Variants in FAM216A observed in about 807,000 individuals in gnomAD.
The protein encoded by FAM216A is family with sequence similarity 216 member A, also known as protein FAM216A.
A neutral mutation model predicts 37.6 loss-of-function variants in FAM216A; 26 were observed. The observed-to-expected ratio is 0.69, with a 90% CI of 0.51 to 0.96. The LOEUF is 0.96. Ranked by LOEUF, FAM216A falls within the 40% of genes least tolerant of loss-of-function variation. FAM216A has a pLI of 0.00. For missense variants in FAM216A, 326 were observed against 339.3 expected, an observed-to-expected ratio of 0.96 and a Z score of 0.31; for synonymous variants, 110 against 121.7, an observed-to-expected ratio of 0.90 and a Z score of 0.64.
At chr12:110,471,223 G>A (rs2062685495) in intron 1 of FAM216A, among the ~76,000 whole-genome samples, 1 of 151,984 alleles carries the variant, frequency 6.6e-6, no homozygotes, top group Non-Finnish European at 1.5e-5. Flanking sequence ...TGAGTAGCTG[G>A]GACTACAGGC....
At chr12:110,480,905 T>TA (rs1251694754) in intron 2 of FAM216A, among the ~76,000 whole-genome samples, 1 of 149,916 alleles carries the variant, frequency 6.7e-6, no homozygotes, top group Non-Finnish European at 1.5e-5. Context: ...AAAAACAAAA[T>TA]AAAAAACCAC....
At chr12:110,475,488 C>T (rs1010510589) in intron 2 of FAM216A, among the ~76,000 whole-genome samples, 5 of 152,116 alleles carry the variant, frequency 3.3e-5, no homozygotes, top group African/African-American at 7.2e-5. Flanking sequence ...GTTATCCTCC[C>T]GCCTTGGCCT....
At chr12:110,478,974 G>A (rs2062730858) in intron 2 of FAM216A, among the ~76,000 whole-genome samples, 1 of 151,940 alleles carries the variant, frequency 6.6e-6, no homozygotes, top group Non-Finnish European at 1.5e-5. Context: ...GGATCACGAG[G>A]TTAAGAGATC....
chr12:110,484,923 AT>A (rs2062768414), intron 2 of FAM216A, among the ~76,000 whole-genome samples, 154 bp from the exon 3 acceptor site: 1 of 152,040 alleles, frequency 6.6e-6, no homozygotes, highest in South Asian at 2.1e-4. Context: ...GATGGTCTCG[AT>A]CTCCTGACCT....
chr12:110,485,491 C>G (rs1157637968), intron 3 of FAM216A, among the ~76,000 whole-genome samples: 2 of 152,050 alleles, frequency 1.3e-5, no homozygotes, highest in Non-Finnish European at 1.5e-5. Context: ...AAAGTTCCAT[C>G]TTTTCTTGAA....
chr12:110,486,221 T>C, intron 3 of FAM216A, 104 bp from the exon 4 acceptor site: 1 of 1,248,062 alleles, frequency 8.0e-7, no homozygotes, highest in Middle Eastern at 2.2e-4. Context: ...TAAAGTAAAA[T>C]ACAGTTGGCA....
At chr12:110,489,891 A>G in intron 6 of FAM216A, 128 bp from the exon 7 acceptor site, 1 of 590,634 alleles carries the variant, frequency 1.7e-6, no homozygotes, top group Non-Finnish European at 3.0e-6. Context: ...TGAGGTGACT[A>G]AGAGCCTTGA....
chr12:110,478,927 G>C (rs979537518), intron 2 of FAM216A, among the ~76,000 whole-genome samples: 2 of 152,074 alleles, frequency 1.3e-5, no homozygotes, highest in Admixed American at 6.6e-5. Flanking sequence ...GGTGGCTCAC[G>C]TCTGTAATCC....
chr12:110,484,579 G>C (rs996583382), intron 2 of FAM216A, among the ~76,000 whole-genome samples: 1 of 151,020 alleles, frequency 6.6e-6, no homozygotes, highest in African/African-American at 2.4e-5. Context: ...TTGCATCTTA[G>C]CTGAGTTCAA....
chr12:110,483,330 C>CAAAAAAAAAAAAAAAA (rs916383892), intron 2 of FAM216A, among the ~76,000 whole-genome samples: 1 of 120,914 alleles, frequency 8.3e-6, no homozygotes, highest in African/African-American at 3.5e-5. Flanking sequence ...GACTCCTTCT[C>CAAAAAAAAAAAAAAAA]AAAAAAAAAA....
intron 2 of FAM216A, among the ~76,000 whole-genome samples, chr12:110,483,218 G>C (rs183499685): frequency 2.0e-5 from 3 of 151,766 alleles, no homozygotes; most frequent in African/African-American, 7.3e-5. Context: ...CAGCTACTCA[G>C]GAGGCTGAGG....
chr12:110,474,024 G>C (rs2062701796), intron 2 of FAM216A, among the ~76,000 whole-genome samples: 1 of 152,010 alleles, frequency 6.6e-6, no homozygotes, highest in Non-Finnish European at 1.5e-5. Flanking sequence ...ACATAAACCT[G>C]GGTTCACTTT....
chr12:110,490,059 A>G lies in FAM216A; in HGVS notation c.744A>G (p.Lys248=). 6.4e-7 allele frequency: 1 copy of G among 1,551,588 alleles called. No homozygotes were observed. The highest frequency in any genetic ancestry group is 8.9e-7 in the Non-Finnish European group (1 of 1,123,556). ...CTGAATCACACATGAGTGAAGAAAAAAAGGAAGAAGATTTACTAAATAATT... is the reference window on the plus strand; with the variant it reads ...CTGAATCACACATGAGTGAAGAAAAGAAGGAAGAAGATTTACTAAATAATT... ...DDSESHMSEE[K]KEEDLLNNFM... is the part of the protein sequence containing the mutation. The change falls in exon 7 of 7, where the codon AAA becomes AAG. Residue 248 remains lysine (K), a synonymous_variant. Coordinates refer to ENST00000377673, the MANE Select transcript of FAM216A (RefSeq NM_013300.3).
intron 1 of FAM216A, among the ~76,000 whole-genome samples, chr12:110,470,475 ATT>A (rs560103990): frequency 0.086 from 11,723 of 135,838 alleles, 477 homozygotes; most frequent in Middle Eastern, 0.13. Flanking sequence ...AGATACGTGA[ATT>A]TTTTTTTTTT....
At chr12:110,482,358 A>G (rs1283311136) in intron 2 of FAM216A, among the ~76,000 whole-genome samples, 1 of 151,444 alleles carries the variant, frequency 6.6e-6, no homozygotes, top group African/African-American at 2.4e-5. Flanking sequence ...GATTACAGGC[A>G]TGGGCCACCA....
At chr12:110,489,926 T>C (rs574769532) in intron 6 of FAM216A, 93 bp from the exon 7 acceptor site, 55 of 653,526 alleles carry the variant, frequency 8.4e-5, no homozygotes, top group African/African-American at 8.4e-4. Context: ...TTGTCTTTAC[T>C]ACAGGCTTAT....
intron 6 of FAM216A, among the ~76,000 whole-genome samples, chr12:110,488,294 C>T (rs2135557471): frequency 6.6e-6 from 1 of 151,586 alleles, no homozygotes; most frequent in South Asian, 2.1e-4. Flanking sequence ...GCCTGTAATC[C>T]CAGCTACTTG....
At chr12:110,480,419 G>C (rs2135549245) in intron 2 of FAM216A, among the ~76,000 whole-genome samples, 1 of 151,758 alleles carries the variant, frequency 6.6e-6, no homozygotes, top group South Asian at 2.1e-4. Flanking sequence ...TAGCCAGGAT[G>C]GTCTCGATCT....
chr12:110,468,646 C>A, upstream of FAM216A: 1 of 1,537,208 alleles, frequency 6.5e-7, no homozygotes, highest in Non-Finnish European at 8.7e-7. Context: ...TGTATATTTC[C>A]CTCCTGTGAC....
Sources: gnomAD v4.1 joint callset for allele counts (sites outside exome capture counted in the v4.1 genomes callset) on GRCh38, gnomAD v4.1.1 for gene constraint, MANE v1.5 for transcripts, NCBI Gene and HGNC (gene_info 2026-07-23, HGNC 2026-07-21) for gene names.